Variants in BPGM observed in about 807,000 individuals in gnomAD.
BPGM encodes the protein 2,3-bisphosphoglycerate mutase, erythrocyte.
BPGM carries 15 observed loss-of-function variants against 21.6 expected under a neutral mutation model. The observed-to-expected ratio is 0.70, with a 90% CI of 0.47 to 1.07. The LOEUF is 1.07. Ranked by LOEUF, BPGM falls within the 50% of genes least tolerant of loss-of-function variation. The pLI, the probability that BPGM is intolerant of heterozygous loss-of-function variation, is 0.00. For missense variants in BPGM, 273 were observed against 319.0 expected, an observed-to-expected ratio of 0.86 and a Z score of 1.10; for synonymous variants, 113 against 116.2, an observed-to-expected ratio of 0.97 and a Z score of 0.18.
chr7:134,669,236 T>C (rs1795866716), intron 2 of BPGM, among the ~76,000 whole-genome samples: 1 of 152,166 alleles, frequency 6.6e-6, no homozygotes, highest in Non-Finnish European at 1.5e-5. Flanking sequence ...TTTGTTATGC[T>C]TTCTCAAGGC....
At chr7:134,662,388 C>CAGT (rs1440884603) in intron 2 of BPGM, among the ~76,000 whole-genome samples, 1 of 152,184 alleles carries the variant, frequency 6.6e-6, no homozygotes, top group Non-Finnish European at 1.5e-5. Context: ...GTTTCGGAAT[C>CAGT]AGTAGGTCTG....
chr7:134,679,021 C>T lies in BPGM; in HGVS notation c.770C>T (p.Ala257Val), dbSNP rs1796024402. The T allele has an allele frequency of 1.2e-6, 2 of 1,613,964 alleles. No individual in the cohort carries two copies. The highest frequency in any genetic ancestry group is 1.3e-5 in the African/African-American group (1 of 74,902). ...GAAGATCAAGGAAAAGTGAAACAAG[C>T]TAAAAAATAGTCTTTCTCAACTGTT... ...KVEDQGKVKQAKK is the reference protein window; with the variant it reads ...KVEDQGKVKQVKK Residue 257 changes from alanine (A) to valine (V), a missense_variant, in exon 3 of 3, where the codon GCT becomes GTT. Physicochemically the swap from Ala to Val is moderately conservative, Grantham distance 64 (BLOSUM62 0). Coordinates refer to ENST00000344924, the MANE Select transcript of BPGM (RefSeq NM_001724.5).
chr7:134,653,465 T>C (rs1023924709), intron 1 of BPGM, among the ~76,000 whole-genome samples: 3 of 152,236 alleles, frequency 2.0e-5, no homozygotes, highest in African/African-American at 7.2e-5. Context: ...TGTAAGTAAG[T>C]GCTGCCTGAT....
intron 2 of BPGM, among the ~76,000 whole-genome samples, chr7:134,665,885 CTTTTCTTTTT>C (rs1249429465): frequency 1.3e-5 from 2 of 150,062 alleles, no homozygotes; most frequent in Admixed American, 6.6e-5. Context: ...CTTTTCTTTT[CTTTTCTTTTT>C]TAGACAAAGT....
chr7:134,654,227 G>A (rs1018731002), intron 1 of BPGM, among the ~76,000 whole-genome samples: 2 of 152,306 alleles, frequency 1.3e-5, no homozygotes, highest in Middle Eastern at 6.8e-3. Flanking sequence ...AATGGGATCT[G>A]CAAAATGTTT....
intron 2 of BPGM, among the ~76,000 whole-genome samples, chr7:134,672,412 C>T (rs1275967495): frequency 6.6e-6 from 1 of 152,118 alleles, no homozygotes; most frequent in Non-Finnish European, 1.5e-5. Context: ...GAACACAGTG[C>T]CTTGCCCATT....
chr7:134,673,059 A>G (rs985115660), intron 2 of BPGM, among the ~76,000 whole-genome samples: 1 of 152,148 alleles, frequency 6.6e-6, no homozygotes, highest in Non-Finnish European at 1.5e-5. Context: ...CTGTAGTCCC[A>G]ACTACTCTGG....
intron 2 of BPGM, among the ~76,000 whole-genome samples, chr7:134,672,175 C>T (rs1795914869): frequency 6.6e-6 from 1 of 152,112 alleles, no homozygotes; most frequent in South Asian, 2.1e-4. Flanking sequence ...CTTAAAATAT[C>T]CCATTATTTA....
intron 1 of BPGM, among the ~76,000 whole-genome samples, chr7:134,656,720 A>G (rs958138791): frequency 6.6e-6 from 1 of 152,218 alleles, no homozygotes; most frequent in Admixed American, 6.5e-5. Flanking sequence ...GGTCCCTCCC[A>G]TGACACATGG....
Position 134,648,299 on chromosome 7 carries a change from C to T in BPGM, c.-62+1362C>T, listed in dbSNP as rs938391485. Among the ~76,000 whole-genome samples the T allele has an allele frequency of 1.1e-4, 16 of 149,102 alleles. 1 individual carries two copies. The highest frequency in any genetic ancestry group is 2.2e-4 in the Non-Finnish European group (15 of 67,242). On this transcript the variant is annotated intron_variant, in intron 1 of 2. Transcript: ENST00000344924. ...TACAGGCATGCGCCCCCACGCCCAGCTAATTTTGTGTTTTTAGTAGAGACA... is the reference window on the plus strand; with the variant it reads ...TACAGGCATGCGCCCCCACGCCCAGTTAATTTTGTGTTTTTAGTAGAGACA...
intron 1 of BPGM, among the ~76,000 whole-genome samples, chr7:134,648,457 C>T (rs1270008801): frequency 6.6e-6 from 1 of 152,062 alleles, no homozygotes; most frequent in Non-Finnish European, 1.5e-5. Flanking sequence ...GAACTGCCTC[C>T]CGTGAGTCCA....
intron 1 of BPGM, among the ~76,000 whole-genome samples, chr7:134,650,127 A>T (rs963567472): frequency 6.6e-6 from 1 of 152,222 alleles, no homozygotes; most frequent in Admixed American, 6.5e-5. Context: ...AGCTGGGCTC[A>T]TATCTAGGTT....
At chr7:134,656,206 A>G (rs2131421447) in intron 1 of BPGM, among the ~76,000 whole-genome samples, 1 of 152,326 alleles carries the variant, frequency 6.6e-6, no homozygotes, top group South Asian at 2.1e-4. Flanking sequence ...CCACTGGCCT[A>G]CAGGAACTAA....
intron 1 of BPGM, among the ~76,000 whole-genome samples, chr7:134,660,226 A>G (rs1196033140): frequency 6.6e-6 from 1 of 152,128 alleles, no homozygotes; most frequent in East Asian, 1.9e-4. Context: ...TTTGCCATTG[A>G]TTGTTATTTT....
At chr7:134,651,263 G>A (rs569744766) in intron 1 of BPGM, among the ~76,000 whole-genome samples, 8 of 152,202 alleles carry the variant, frequency 5.3e-5, no homozygotes, top group Non-Finnish European at 7.4e-5. Flanking sequence ...TTGCTTAAAC[G>A]TTGGAAATAC....
At chr7:134,657,298 G>A (rs1260775338) in intron 1 of BPGM, among the ~76,000 whole-genome samples, 3 of 152,210 alleles carry the variant, frequency 2.0e-5, no homozygotes, top group Non-Finnish European at 4.4e-5. Flanking sequence ...TCTGCATAGG[G>A]TACAGTGTGT....
intron 1 of BPGM, among the ~76,000 whole-genome samples, chr7:134,650,886 C>G (rs756044972): frequency 5.3e-4 from 81 of 152,234 alleles, no homozygotes; most frequent in Admixed American, 1.4e-3. Context: ...GATCACGCCA[C>G]TGCACTCCAG....
In BPGM at chr7:134,661,621, T is replaced by C; in HGVS notation, c.114T>C (p.Ala38=). ...QKLNSEGMEE[A]RNCGKQLKAL... ...TCAACAGCGAAGGAATGGAGGAAGC[T>C]CGGAACTGTGGGAAGCAACTCAAAG... Residue 38 remains alanine, a synonymous_variant, in exon 2 of 3, where the codon GCT becomes GCC. Transcript: ENST00000344924. This position sits in a 1 kb window ranked among gnomAD's most constrained non-coding sequence, Gnocchi z 4.6. 2 of 1,614,154 alleles carry C rather than the reference T, an allele frequency of 1.2e-6. No individual in the cohort carries two copies. Among genetic ancestry groups the C allele is most frequent in the Admixed American group, 1.7e-5 (1 of 60,004 alleles).
intron 2 of BPGM, among the ~76,000 whole-genome samples, chr7:134,666,872 A>G (rs1459609606): frequency 6.6e-6 from 1 of 152,226 alleles, no homozygotes; most frequent in African/African-American, 2.4e-5. Context: ...AATTAAGCAT[A>G]AGTGACTTTC....
Sources: gnomAD v4.1 joint callset for allele counts (sites outside exome capture counted in the v4.1 genomes callset) on GRCh38, gnomAD v4.1.1 for gene constraint, Gnocchi (gnomAD v3.1) non-coding constraint, MANE v1.5 for transcripts, NCBI Gene and HGNC (gene_info 2026-07-23, HGNC 2026-07-21) for gene names.